The following SERGEF variants were observed in gnomAD, a reference collection of about 807,000 sequenced individuals.
The protein encoded by SERGEF is secretion-regulating guanine nucleotide exchange factor.
A neutral mutation model predicts 50.0 loss-of-function variants in SERGEF; 51 were observed. The ratio of observed to expected loss-of-function variants is 1.02; its 90% CI spans 0.81 to 1.29. The LOEUF is 1.29. SERGEF is among the 50% of genes most tolerant of loss of function. The pLI, the probability that SERGEF is intolerant of heterozygous loss-of-function variation, is 0.00. For synonymous variants in SERGEF, 205 were observed against 212.4 expected, an observed-to-expected ratio of 0.97 and a Z score of 0.30; for missense variants, 521 against 557.0, an observed-to-expected ratio of 0.94 and a Z score of 0.65.
intron 10 of SERGEF, among the ~76,000 whole-genome samples, chr11:17,858,971 T>C (rs1287647339): frequency 6.6e-6 from 1 of 152,130 alleles, no homozygotes; most frequent in Non-Finnish European, 1.5e-5. Context: ...TTTTCAGTCC[T>C]GAGATCTGCC....
At chr11:17,937,392 C>A (rs1852472864) in intron 9 of SERGEF, among the ~76,000 whole-genome samples, 1 of 151,976 alleles carries the variant, frequency 6.6e-6, no homozygotes, top group Non-Finnish European at 1.5e-5. Context: ...CAAAAAACAG[C>A]CAGGCGTGGT....
chr11:17,840,348 T>C (rs1017306929), intron 10 of SERGEF, among the ~76,000 whole-genome samples: 2 of 152,208 alleles, frequency 1.3e-5, no homozygotes, highest in African/African-American at 4.8e-5. Context: ...TTAAAGCATG[T>C]ATCTATTTCA....
At chr11:17,871,205 A>G (rs1016749633) in intron 10 of SERGEF, among the ~76,000 whole-genome samples, 1 of 152,162 alleles carries the variant, frequency 6.6e-6, no homozygotes, top group African/African-American at 2.4e-5. Flanking sequence ...ACTATTCATC[A>G]AAAGACACGA....
intron 9 of SERGEF, among the ~76,000 whole-genome samples, chr11:17,894,313 C>G (rs1225088629): frequency 2.6e-5 from 4 of 152,202 alleles, no homozygotes; most frequent in African/African-American, 4.8e-5. Flanking sequence ...AAAAGAATTA[C>G]ATTTAGTGAT....
chr11:17,948,069 G>A (rs1257342429), intron 9 of SERGEF, among the ~76,000 whole-genome samples: 1 of 151,548 alleles, frequency 6.6e-6, no homozygotes, highest in Non-Finnish European at 1.5e-5. Context: ...AAGAGGCTAG[G>A]ACTACAGGTA....
At chr11:17,802,103 C>T (rs1289168260) in intron 10 of SERGEF, among the ~76,000 whole-genome samples, 3 of 152,302 alleles carry the variant, frequency 2.0e-5, no homozygotes, top group Admixed American at 6.5e-5. Context: ...AGGACTGCTG[C>T]GCTGGGAAAC....
chr11:17,896,714 G>GGGAAGGGTAACGGAAGGGTAAT (rs1851640581), intron 9 of SERGEF, among the ~76,000 whole-genome samples: 1 of 51,784 alleles, frequency 1.9e-5, no homozygotes, highest in African/African-American at 5.5e-5. Context: ...GGAAGGGTAA[G>GGGAAGGGTAACGGAAGGGTAAT]GGAAGGGTAA....
chr11:17,989,394 G>A (rs572112682), intron 7 of SERGEF, among the ~76,000 whole-genome samples: 3 of 152,250 alleles, frequency 2.0e-5, no homozygotes, highest in Non-Finnish European at 4.4e-5. Flanking sequence ...ACTAGCTATT[G>A]ACCTTGGACA....
chr11:17,825,619 A>G (rs750806592), intron 10 of SERGEF, among the ~76,000 whole-genome samples: 9 of 152,266 alleles, frequency 5.9e-5, no homozygotes, highest in Non-Finnish European at 1.0e-4. Context: ...GCTCTTAGAT[A>G]CTCATTGAAT....
At chr11:17,823,358 G>A (rs1386263536) in intron 10 of SERGEF, among the ~76,000 whole-genome samples, 2 of 152,086 alleles carry the variant, frequency 1.3e-5, no homozygotes, top group Non-Finnish European at 2.9e-5. Flanking sequence ...GTGTTTGCCA[G>A]GTTTCTCCAC....
chr11:17,833,410 G>C (rs959368283), intron 10 of SERGEF, among the ~76,000 whole-genome samples: 1 of 152,230 alleles, frequency 6.6e-6, no homozygotes, highest in African/African-American at 2.4e-5. Flanking sequence ...GTTTGCTGTA[G>C]GGGTGGGGTC....
intron 8 of SERGEF, among the ~76,000 whole-genome samples, chr11:17,981,270 T>C (rs1052771716): frequency 1.3e-5 from 2 of 152,250 alleles, no homozygotes; most frequent in Admixed American, 1.3e-4. Flanking sequence ...TGCATATAGA[T>C]AAGCATTTCA....
chr11:17,905,892 C>G (rs571631948), intron 9 of SERGEF, among the ~76,000 whole-genome samples: 2 of 152,234 alleles, frequency 1.3e-5, no homozygotes, highest in South Asian at 2.1e-4. Flanking sequence ...CAGTCAGCCT[C>G]GAAATTCTGA....
intron 5 of SERGEF, chr11:17,999,540 G>C (rs771686840): frequency 2.2e-6 from 1 of 455,846 alleles, no homozygotes; most frequent in Non-Finnish European, 4.4e-6. Flanking sequence ...CGAAGCACCT[G>C]AGCCTCAGCT....
At chr11:17,942,816 T>G (rs1424505483) in intron 9 of SERGEF, among the ~76,000 whole-genome samples, 1 of 152,212 alleles carries the variant, frequency 6.6e-6, no homozygotes, top group African/African-American at 2.4e-5. Flanking sequence ...AAATAAATGT[T>G]AAATTTTGTC....
At chr11:17,980,582 C>T (rs1853477553) in intron 8 of SERGEF, among the ~76,000 whole-genome samples, 1 of 152,188 alleles carries the variant, frequency 6.6e-6, no homozygotes, top group Non-Finnish European at 1.5e-5. Context: ...TCTACAGAAA[C>T]ATTCTTTTTT....
At position 18,004,516 on chromosome 11, in the gene SERGEF, T is replaced by C. The variant is rs1416041903; in HGVS notation, c.372A>G (p.Ser124=). ...ACTGGCCAAAGGAGTTGGATCCACA[T>C]GATAGAACTTGACCATTTTCTGCAA... ...IMLTENGQVL[S]CGSNSFGQLG... is the part of the protein sequence containing the mutation. Residue 124 remains serine (S), a synonymous_variant, in exon 4 of 11, where the codon TCA becomes TCG. Coordinates refer to ENST00000265965, the MANE Select transcript of SERGEF (RefSeq NM_012139.4). 1.9e-6 allele frequency: 3 copies of C among 1,612,778 alleles called. No individual in the cohort carries two copies. The highest frequency in any genetic ancestry group is 4.5e-5 in the East Asian group (2 of 44,884).
intron 9 of SERGEF, among the ~76,000 whole-genome samples, chr11:17,927,234 C>A (rs1001362736): frequency 6.6e-6 from 1 of 152,180 alleles, no homozygotes; most frequent in South Asian, 2.1e-4. Flanking sequence ...TTTGGCACCA[C>A]CCACTTCCCC....
At chr11:17,941,209 A>T (rs1394209731) in intron 9 of SERGEF, among the ~76,000 whole-genome samples, 2 of 152,202 alleles carry the variant, frequency 1.3e-5, no homozygotes, top group Non-Finnish European at 2.9e-5. Flanking sequence ...TCCAATTTTT[A>T]AAATTGTGGC....
Sources: gnomAD v4.1 joint callset for allele counts (sites outside exome capture counted in the v4.1 genomes callset) on GRCh38, gnomAD v4.1.1 for gene constraint, MANE v1.5 for transcripts, NCBI Gene and HGNC (gene_info 2026-07-23, HGNC 2026-07-21) for gene names.